The following DDC variants were observed in gnomAD, a reference collection of about 807,000 sequenced individuals.
DDC encodes aromatic-L-amino-acid decarboxylase.
A neutral mutation model predicts 60.0 loss-of-function variants in DDC; 43 were observed. The ratio of observed to expected loss-of-function variants is 0.72; its 90% confidence interval spans 0.56 to 0.92. DDC has a LOEUF of 0.92. Among genes scored for constraint, DDC ranks in the 40% least tolerant of loss-of-function variants. The probability of loss-of-function intolerance (pLI) is 0.00; values close to 1 mark genes in which losing one functional copy is unlikely to be tolerated. For missense variants in DDC, 573 were observed against 620.2 expected (o/e 0.92, Z 0.81); for synonymous variants, 232 against 234.6 (o/e 0.99, Z 0.10).
rs2043011311 is a variant in DDC at position 50,492,207 on chromosome 7, T to C, written c.944+3143A>G. On this transcript the variant is annotated intron_variant, in intron 9 of 14. Coordinates refer to ENST00000444124, the MANE Select transcript of DDC (RefSeq NM_001082971.2). ...AATCATCTCTTGTTTAAGCCGCTTGTCCATGGCACTTTGTTAAGCCAGCCC... is the reference window on the plus strand; with the variant it reads ...AATCATCTCTTGTTTAAGCCGCTTGCCCATGGCACTTTGTTAAGCCAGCCC... 1.3e-5 allele frequency among the ~76,000 whole-genome samples: 2 copies of C among 152,242 alleles called. 1 individual carries two copies. Among genetic ancestry groups the C allele is most frequent in the South Asian group, 4.1e-4 (2 of 4,828 alleles).
intron 6 of DDC, among the ~76,000 whole-genome samples, chr7:50,522,005 C>G (rs944339917): frequency 1.3e-5 from 2 of 151,898 alleles, no homozygotes; most frequent in East Asian, 3.9e-4. Context: ...TTGCAGATGA[C>G]ATGGTTATCT....
Position 50,479,826 on chromosome 7 carries a change from G to T in DDC, c.982C>A (p.Leu328Met), listed in dbSNP as rs1190002004. The T allele has an allele frequency of 6.2e-7, 1 of 1,613,762 alleles. No individual in the cohort carries two copies. The highest frequency in any genetic ancestry group is 2.2e-5 in the East Asian group (1 of 44,880). Reference protein sequence around the residue: ...KRTDLTGAFRLDPTYLKHSHQ... With the variant: ...KRTDLTGAFRMDPTYLKHSHQ... ...CTGTGCTTCAGGTAAGTGGGGTCCA[G>T]TCTAAAGGCTCCCGTTAAGTCTGTT... The change falls in exon 10 of 15, where the codon CTG becomes ATG. Residue 328 changes from leucine to methionine, a missense_variant. Physicochemically the swap from Leu to Met is conservative, Grantham distance 15. Coordinates refer to ENST00000444124, the MANE Select transcript of DDC (RefSeq NM_001082971.2).
chr7:50,538,537 C>A (rs190463165), intron 3 of DDC, among the ~76,000 whole-genome samples: 1 of 152,204 alleles, frequency 6.6e-6, no homozygotes, highest in African/African-American at 2.4e-5. Context: ...CATCCCGATG[C>A]GTCACCAGTA....
chr7:50,489,648 C>T (rs2042958500), intron 9 of DDC, among the ~76,000 whole-genome samples: 1 of 152,084 alleles, frequency 6.6e-6, no homozygotes, highest in Non-Finnish European at 1.5e-5. Flanking sequence ...ACTATTCAAC[C>T]CCTCTAGGCC....
At chr7:50,492,620 A>G in intron 9 of DDC, 1 of 1,032,224 alleles carries the variant, frequency 9.7e-7, no homozygotes, top group Non-Finnish European at 1.2e-6. Flanking sequence ...CTTGTGGCAG[A>G]CTTCCAGACA....
intron 14 of DDC, among the ~76,000 whole-genome samples, chr7:50,460,451 A>AGCCGCCCCGTCCG (rs1446837269): frequency 1.3e-5 from 2 of 148,802 alleles, no homozygotes. Flanking sequence ...CCGTCCGGCC[A>AGCCGCCCCGTCCG]GCCACCCGGT....
chr7:50,503,290 C>A (rs1352319325), intron 7 of DDC, among the ~76,000 whole-genome samples: 3 of 152,214 alleles, frequency 2.0e-5, no homozygotes, highest in African/African-American at 7.2e-5. Flanking sequence ...CCCTGCCCTA[C>A]GAGGGTTCTT....
intron 1 of DDC, among the ~76,000 whole-genome samples, chr7:50,562,960 A>G (rs962464001): frequency 2.0e-5 from 3 of 152,208 alleles, no homozygotes; most frequent in Non-Finnish European, 4.4e-5. Flanking sequence ...TGAGGTCAGG[A>G]GTTCGAGACC....
chr7:50,468,889 C>T (rs2042461497), intron 12 of DDC, among the ~76,000 whole-genome samples: 1 of 150,464 alleles, frequency 6.6e-6, no homozygotes, highest in African/African-American at 2.4e-5. Flanking sequence ...AAACGGGTGG[C>T]TCTAGGCAGA....
At chr7:50,497,676 TTA>T (rs1179805238) in intron 8 of DDC, among the ~76,000 whole-genome samples, 1 of 152,188 alleles carries the variant, frequency 6.6e-6, no homozygotes, top group African/African-American at 2.4e-5. Flanking sequence ...TGGCATCACA[TTA>T]TGAGAACTTC....
intron 6 of DDC, among the ~76,000 whole-genome samples, chr7:50,517,389 A>G: frequency 6.6e-6 from 1 of 152,234 alleles, no homozygotes; most frequent in Non-Finnish European, 1.5e-5. Flanking sequence ...CTTTATGATT[A>G]AAACTTTCAG....
chr7:50,468,255 G>A (rs940782733), intron 12 of DDC, among the ~76,000 whole-genome samples: 3 of 152,236 alleles, frequency 2.0e-5, no homozygotes, highest in Non-Finnish European at 2.9e-5. Context: ...GCCGGTTCCC[G>A]CCCAAGGAGA....
intron 1 of DDC, chr7:50,561,046 T>A: frequency 1.1e-5 from 1 of 88,300 alleles, no homozygotes; most frequent in South Asian, 4.4e-4. Flanking sequence ...CTCTGTCCTC[T>A]CTCTCTCCTC....
At chr7:50,463,529 C>T in intron 13 of DDC, 98 bp from the exon 14 acceptor site, 4 of 1,037,482 alleles carry the variant, frequency 3.9e-6, no homozygotes, top group South Asian at 1.3e-5. Context: ...CCCTACCGTA[C>T]ATCAGGAAGA....
intron 4 of DDC, 82 bp from the exon 5 acceptor site, chr7:50,529,424 T>C: frequency 1.3e-6 from 2 of 1,535,830 alleles, no homozygotes; most frequent in South Asian, 2.3e-5. Flanking sequence ...CATATTGTTT[T>C]GTGTCCATAG....
At chr7:50,558,715 C>T (rs1026939284) in intron 1 of DDC, among the ~76,000 whole-genome samples, 1 of 131,070 alleles carries the variant, frequency 7.6e-6, no homozygotes, top group Non-Finnish European at 1.5e-5. Flanking sequence ...TTTCCTAACA[C>T]ACCTTTGGCC....
intron 14 of DDC, among the ~76,000 whole-genome samples, 165 bp downstream of exon 14, chr7:50,463,048 G>A (rs182018363): frequency 1.2e-4 from 19 of 152,300 alleles, no homozygotes; most frequent in Non-Finnish European, 1.5e-4. Flanking sequence ...GATTACAGGC[G>A]TGAGCCACCG....
chr7:50,499,769 G>T (rs2043207666), intron 7 of DDC, among the ~76,000 whole-genome samples: 2 of 152,142 alleles, frequency 1.3e-5, no homozygotes, highest in Admixed American at 1.3e-4. Context: ...CATGAACAGG[G>T]TTCTGTTTTC....
At chr7:50,475,177 G>T (rs1468785890) in intron 11 of DDC, among the ~76,000 whole-genome samples, 1 of 152,190 alleles carries the variant, frequency 6.6e-6, no homozygotes, top group African/African-American at 2.4e-5. Context: ...TCTGAGAAAG[G>T]CCACGAACCA....
Sources: gnomAD v4.1 joint callset for allele counts (sites outside exome capture counted in the v4.1 genomes callset) on GRCh38, gnomAD v4.1.1 for gene constraint, MANE v1.5 for transcripts, NCBI Gene and HGNC (gene_info 2026-07-23, HGNC 2026-07-21) for gene names.